The following NCALD variants were observed in gnomAD, a reference collection of about 807,000 sequenced individuals.
The protein encoded by NCALD is neurocalcin-delta.
In NCALD, 10 loss-of-function variants were observed where a neutral mutation model predicts 18.6. That is an observed-to-expected ratio of 0.54 (90% CI 0.33 to 0.91). The LOEUF (loss-of-function observed/expected upper bound fraction) is 0.91. Ranked by LOEUF, NCALD falls within the 40% of genes least tolerant of loss-of-function variation. NCALD has a pLI of 0.03. For synonymous variants in NCALD, 88 were observed against 87.4 expected (o/e 1.01, Z -0.04); for missense variants, 184 against 247.6 (o/e 0.74, Z 1.72).
At chr8:101,741,947 A>AG (rs1810208853) in intron 1 of NCALD, among the ~76,000 whole-genome samples, 1 of 95,466 alleles carries the variant, frequency 1.0e-5, no homozygotes, top group South Asian at 3.6e-4. Context: ...AAAAAAAAAA[A>AG]AAAAAAGAAA....
intron 2 of NCALD, among the ~76,000 whole-genome samples, chr8:101,987,922 AG>A (rs1563512986): frequency 6.6e-6 from 1 of 152,182 alleles, no homozygotes; most frequent in African/African-American, 2.4e-5. Context: ...TCGGAGGCCG[AG>A]GCGGGCGGAT....
chr8:102,064,735 A>G (rs1183505100), intron 1 of NCALD, among the ~76,000 whole-genome samples: 3 of 152,284 alleles, frequency 2.0e-5, no homozygotes, highest in African/African-American at 7.2e-5. Flanking sequence ...TAATGATATG[A>G]AATGTACAAA....
chr8:102,077,326 C>T (rs1334146680), intron 1 of NCALD, among the ~76,000 whole-genome samples: 2 of 152,080 alleles, frequency 1.3e-5, no homozygotes, highest in Admixed American at 6.5e-5. Context: ...ATACGGAGGC[C>T]GCATTGTGTC....
intron 1 of NCALD, among the ~76,000 whole-genome samples, chr8:102,109,235 C>A (rs894785289): frequency 6.6e-6 from 1 of 151,580 alleles, no homozygotes; most frequent in Non-Finnish European, 1.5e-5. Context: ...TAGCTATAAA[C>A]CACTAGTTTA....
chr8:101,811,611 CA>C (rs1351287794), intron 4 of NCALD, among the ~76,000 whole-genome samples: 3 of 152,150 alleles, frequency 2.0e-5, no homozygotes, highest in Non-Finnish European at 4.4e-5. Flanking sequence ...ATGAAAGAAG[CA>C]AAGATAAGCA....
rs1458791254 is a variant in NCALD at position 101,739,876 on chromosome 8, C to T, written c.-19-20228G>A. Among the ~76,000 whole-genome samples the T allele has an allele frequency of 2.0e-5, 3 of 152,146 alleles. No homozygotes were observed. The East Asian group carries it at 5.8e-4, about 29-fold the overall frequency. On this transcript the variant is annotated intron_variant, in intron 1 of 3. Transcript: ENST00000220931. ...GAGTCGATTCTCCTAATAAACTCCC[C>T]TTCATATATGCATCTATCCTATTCG...
At chr8:101,791,228 T>C (rs1812433520), upstream of NCALD, among the ~76,000 whole-genome samples, 1 of 152,210 alleles carries the variant, frequency 6.6e-6, no homozygotes. Context: ...TGCCTACAAC[T>C]TTCCTCTTTA....
At chr8:101,950,514 C>A (rs183018468) in intron 2 of NCALD, among the ~76,000 whole-genome samples, 1 of 152,328 alleles carries the variant, frequency 6.6e-6, no homozygotes, top group Non-Finnish European at 1.5e-5. Context: ...CTTTCCATTT[C>A]GTCAGCCCTC....
At chr8:102,005,197 C>T (rs1282761835) in intron 2 of NCALD, among the ~76,000 whole-genome samples, 1 of 151,948 alleles carries the variant, frequency 6.6e-6, no homozygotes, top group Admixed American at 6.6e-5. Context: ...AAAAACAACC[C>T]CATCAACAAG....
intron 2 of NCALD, among the ~76,000 whole-genome samples, chr8:102,016,594 T>G (rs1780724910): frequency 6.6e-6 from 1 of 152,206 alleles, no homozygotes; most frequent in Admixed American, 6.5e-5. Flanking sequence ...TGGAGTCTGT[T>G]ACACTGAAGG....
rs117397526 is a variant in NCALD, at chr8:102,047,500, T to A, written c.-209-27211A>T. ...TGGTATTGAGCCCTTGAAATGTGGC[T>A]AATGCAACTGAGAAACTGAAATGTT... On this transcript the variant is annotated intron_variant, in intron 1 of 6. Transcript: ENST00000311028. Among the ~76,000 whole-genome samples, 65 of 152,348 alleles carry A rather than the reference T, an allele frequency of 4.3e-4. No individual in the cohort carries two copies. The East Asian group carries it at 8.7e-3, about 20-fold the overall frequency.
chr8:102,011,060 G>A (rs1027358240), intron 2 of NCALD, among the ~76,000 whole-genome samples: 2 of 152,100 alleles, frequency 1.3e-5, no homozygotes, highest in African/African-American at 4.8e-5. Context: ...AGACCCACAG[G>A]AAACATGGAC....
Position 101,689,641 on chromosome 8 carries a change from C to T in NCALD, c.485-235G>A, listed in dbSNP as rs78053468. ...GACAGTACATGTGGCAATCAAACGC[C>T]GCTGCCTGAGAGCCCACTGTGTGCC... On this transcript the variant is annotated intron_variant, in intron 3 of 3. Coordinates refer to ENST00000220931, the MANE Select transcript of NCALD (RefSeq NM_032041.3). This position sits in a 1 kb window ranked among gnomAD's most constrained non-coding sequence, Gnocchi z 4.4. 0.031 allele frequency among the ~76,000 whole-genome samples: 4,791 copies of T among 152,318 alleles called. 168 individuals carry two copies. Among genetic ancestry groups the T allele is most frequent in the East Asian group, 0.17 (868 of 5,172 alleles).
intron 1 of NCALD, among the ~76,000 whole-genome samples, chr8:102,120,829 A>G (rs1423893801): frequency 2.0e-5 from 3 of 152,180 alleles, no homozygotes; most frequent in African/African-American, 7.2e-5. Flanking sequence ...TGCCAATATC[A>G]ATGTTAACTG....
intron 4 of NCALD, among the ~76,000 whole-genome samples, chr8:101,883,351 T>C (rs575218): frequency 0.36 from 54,651 of 150,688 alleles, 12,042 homozygotes; most frequent in African/African-American, 0.63. Flanking sequence ...CAAAAACAAA[T>C]AAAGAAAATA....
chr8:102,049,120 A>T (rs1823343637), intron 1 of NCALD, among the ~76,000 whole-genome samples: 1 of 152,212 alleles, frequency 6.6e-6, no homozygotes. Context: ...GATGAAAAAC[A>T]CTGAAGTAAA....
At chr8:102,111,369 C>T (rs1372661098) in intron 1 of NCALD, among the ~76,000 whole-genome samples, 1 of 151,928 alleles carries the variant, frequency 6.6e-6, no homozygotes, top group Non-Finnish European at 1.5e-5. Flanking sequence ...CCCCAGCCTC[C>T]ACTTCCAACA....
intron 2 of NCALD, among the ~76,000 whole-genome samples, chr8:101,983,934 G>T (rs1586869344): frequency 6.6e-6 from 1 of 152,116 alleles, no homozygotes. Context: ...GGCTTCCCAG[G>T]GTGCTTTCGT....
chr8:101,739,804 C>T (rs1387779258), intron 1 of NCALD, among the ~76,000 whole-genome samples: 1 of 152,154 alleles, frequency 6.6e-6, no homozygotes, highest in East Asian at 1.9e-4. Context: ...TTCTCTGTTC[C>T]TCAGCTTGCA....
Sources: gnomAD v4.1 joint callset for allele counts (sites outside exome capture counted in the v4.1 genomes callset) on GRCh38, gnomAD v4.1.1 for gene constraint, Gnocchi (gnomAD v3.1) non-coding constraint, MANE v1.5 for transcripts, NCBI Gene and HGNC (gene_info 2026-07-23, HGNC 2026-07-21) for gene names.